The following RBFOX1 variants were observed in gnomAD, a reference collection of about 807,000 sequenced individuals.
The protein encoded by RBFOX1 is RNA binding fox-1 homolog 1.
A neutral mutation model predicts 57.7 loss-of-function variants in RBFOX1; 8 were observed. The ratio of observed to expected loss-of-function variants is 0.14; its 90% CI spans 0.08 to 0.25. RBFOX1 has a LOEUF of 0.25. Among genes scored for constraint, RBFOX1 ranks in the 10% least tolerant of loss-of-function variants. The pLI is 1.00. For missense variants in RBFOX1, 611 were observed against 548.5 expected, an observed-to-expected ratio of 1.11 and a Z score of -1.14; for synonymous variants, 326 against 222.4, an observed-to-expected ratio of 1.47 and a Z score of -4.15.
At chr16:7,567,940 G>C (rs1461569944) in intron 5 of RBFOX1, among the ~76,000 whole-genome samples, 1 of 150,266 alleles carries the variant, frequency 6.7e-6, no homozygotes, top group Non-Finnish European at 1.5e-5. Flanking sequence ...TAAAATTAAA[G>C]CTGGATATTT....
intron 4 of RBFOX1, among the ~76,000 whole-genome samples, chr16:7,339,776 G>A (rs905435243): frequency 1.3e-5 from 2 of 152,164 alleles, no homozygotes; most frequent in African/African-American, 4.8e-5. Flanking sequence ...TGTCTGCGAT[G>A]AAGAAAATTC....
In RBFOX1 at chr16:5,903,085, G is replaced by T. The variant is rs996791202; in HGVS notation, c.351+35750G>T. Among the ~76,000 whole-genome samples, 6 of 152,206 alleles carry T rather than the reference G, an allele frequency of 3.9e-5. No homozygotes were observed. In the East Asian group the frequency reaches 9.6e-4, roughly 24 times the overall value. On this transcript the variant is annotated intron_variant, in intron 4 of 19. Coordinates refer to the RBFOX1 transcript ENST00000641259. Reference sequence around the variant, plus strand: ...CTGAGCCGACTTACTGTTTGTATTAGATGGGTGTGTGTGGGTGTGTGTGTG... The same window carrying T: ...CTGAGCCGACTTACTGTTTGTATTATATGGGTGTGTGTGGGTGTGTGTGTG...
intron 4 of RBFOX1, among the ~76,000 whole-genome samples, chr16:7,099,740 T>C (rs1478700): frequency 0.17 from 25,492 of 152,086 alleles, 2,383 homozygotes; most frequent in East Asian, 0.34. Flanking sequence ...GGAAGGTGTT[T>C]CCAGGTCATA....
chr16:6,931,296 T>TCTAC (rs2076475666), intron 3 of RBFOX1, among the ~76,000 whole-genome samples: 2 of 79,618 alleles, frequency 2.5e-5, no homozygotes, highest in African/African-American at 9.6e-5. Flanking sequence ...TGTCTGTCTG[T>TCTAC]CTATCTATCT....
chr16:5,320,057 C>G (rs1448707212), intron 1 of RBFOX1, among the ~76,000 whole-genome samples: 2 of 152,148 alleles, frequency 1.3e-5, no homozygotes, highest in Non-Finnish European at 2.9e-5. Flanking sequence ...GGAGGTAAAG[C>G]AAGTGGGGTT....
At chr16:7,640,746 A>G (rs2062640875) in intron 11 of RBFOX1, among the ~76,000 whole-genome samples, 1 of 152,176 alleles carries the variant, frequency 6.6e-6, no homozygotes, top group Non-Finnish European at 1.5e-5. Context: ...TGGCTAGTGC[A>G]GCTCCTGCAT....
intron 1 of RBFOX1, chr16:6,057,186 G>A (rs957990039): frequency 6.6e-6 from 1 of 152,046 alleles, no homozygotes; most frequent in African/African-American, 2.4e-5. Context: ...ATTGCATGGA[G>A]GCTAAGTACT....
intron 4 of RBFOX1, among the ~76,000 whole-genome samples, chr16:7,158,138 G>A (rs1302833348): frequency 6.6e-6 from 1 of 152,094 alleles, no homozygotes; most frequent in African/African-American, 2.4e-5. Flanking sequence ...CACAAGGTCA[G>A]GAGTTCGAGA....
At chr16:7,218,675 TGTG>T in intron 4 of RBFOX1, among the ~76,000 whole-genome samples, 1 of 150,650 alleles carries the variant, frequency 6.6e-6, no homozygotes, top group Non-Finnish European at 1.5e-5. Flanking sequence ...TGTGTGTGTG[TGTG>T]TGTCCTTTTG....
intron 3 of RBFOX1, among the ~76,000 whole-genome samples, chr16:5,714,913 GCATAGAGTTGATGCTGAAA>G (rs1449084500): frequency 1.3e-5 from 2 of 152,320 alleles, no homozygotes; most frequent in African/African-American, 4.8e-5. Flanking sequence ...ACAGAGGCAA[GCATAGAGTTGATGCTGAAA>G]TATCTGTTGG....
At chr16:6,925,259 A>T (rs1481075576) in intron 3 of RBFOX1, among the ~76,000 whole-genome samples, 2 of 150,148 alleles carry the variant, frequency 1.3e-5, no homozygotes, top group African/African-American at 2.5e-5. Flanking sequence ...TCAGTCTCCC[A>T]AGTAGCTGGG....
At chr16:6,669,888 A>G (rs921063609) in intron 3 of RBFOX1, among the ~76,000 whole-genome samples, 12 of 152,182 alleles carry the variant, frequency 7.9e-5, no homozygotes, top group Non-Finnish European at 1.5e-4. Flanking sequence ...GGCACTTATC[A>G]TCCTAAGTAA....
At chr16:6,497,033 G>A (rs12926968) in intron 2 of RBFOX1, among the ~76,000 whole-genome samples, 5 of 152,192 alleles carry the variant, frequency 3.3e-5, no homozygotes, top group African/African-American at 1.2e-4. Flanking sequence ...CTGTGTCTTG[G>A]TTGGCTTATA....
chr16:6,806,490 T>A (rs986418171), intron 3 of RBFOX1, among the ~76,000 whole-genome samples: 2 of 152,090 alleles, frequency 1.3e-5, no homozygotes, highest in Non-Finnish European at 2.9e-5. Context: ...TTGCTGGGCC[T>A]ATTCTGACCA....
chr16:7,478,823 G>A (rs1346393994), intron 4 of RBFOX1, among the ~76,000 whole-genome samples: 1 of 152,124 alleles, frequency 6.6e-6, no homozygotes, highest in Non-Finnish European at 1.5e-5. Flanking sequence ...ACAATACCCT[G>A]AGGATGTAGA....
chr16:5,349,034 C>G (rs965864042), intron 1 of RBFOX1, among the ~76,000 whole-genome samples: 4 of 152,158 alleles, frequency 2.6e-5, no homozygotes, highest in African/African-American at 9.7e-5. Context: ...CAATCCCATC[C>G]AAAATGTGCA....
chr16:7,604,911 A>C (rs1022834398), intron 9 of RBFOX1, among the ~76,000 whole-genome samples: 1 of 152,174 alleles, frequency 6.6e-6, no homozygotes, highest in African/African-American at 2.4e-5. Flanking sequence ...CATCTCCACT[A>C]CCAATAAGAG....
At chr16:5,993,906 C>T (rs1461176979) in intron 4 of RBFOX1, among the ~76,000 whole-genome samples, 6 of 152,118 alleles carry the variant, frequency 3.9e-5, no homozygotes, top group African/African-American at 2.4e-5. Flanking sequence ...AAGCAGGTCC[C>T]GCTGGGTGGG....
chr16:5,921,342 G>A (rs1366600427), intron 4 of RBFOX1, among the ~76,000 whole-genome samples: 1 of 152,110 alleles, frequency 6.6e-6, no homozygotes, highest in Non-Finnish European at 1.5e-5. Context: ...CCCCTTGGAG[G>A]GATAGCAATT....
Sources: gnomAD v4.1 joint callset for allele counts (sites outside exome capture counted in the v4.1 genomes callset) on GRCh38, gnomAD v4.1.1 for gene constraint, MANE v1.5 for transcripts, NCBI Gene and HGNC (gene_info 2026-07-23, HGNC 2026-07-21) for gene names.